COL2A1: variants seen among roughly 807,000 people sequenced by gnomAD.
COL2A1 encodes the protein collagen type II alpha 1 chain.
A neutral mutation model predicts 204.5 loss-of-function variants in COL2A1; 28 were observed. The ratio of observed to expected loss-of-function variants is 0.14; its 90% CI spans 0.10 to 0.19. COL2A1 has a LOEUF of 0.19. Among genes scored for constraint, COL2A1 ranks in the 10% least tolerant of loss-of-function variants. The pLI is 1.00. For synonymous variants in COL2A1, 708 were observed against 718.7 expected (o/e 0.99, Z 0.24); for missense variants, 1,388 against 2,027.5 (o/e 0.68, Z 6.06).
At chr12:47,992,844 C>T in intron 16 of COL2A1, 34 bp downstream of exon 16, 1 of 1,612,040 alleles carries the variant, frequency 6.2e-7, no homozygotes, top group Non-Finnish European at 8.5e-7. Flanking sequence ...AAGTGCTCGG[C>T]AAATGGTGGT....
chr12:47,978,571 T>C lies in COL2A1; in HGVS notation c.2895+26A>G. ...CTCACGACCCTGCTCCCAGGGACCT[T>C]GGCATGGGCCTGGTGAGGGACTTAC... On this transcript the variant is annotated intron_variant, in intron 42 of 53. Transcript: ENST00000380518. This position sits in a 1 kb window ranked among gnomAD's most constrained non-coding sequence, Gnocchi z 5.5. The C allele has an allele frequency of 6.2e-7, 1 of 1,613,318 alleles. No homozygotes were observed. Among genetic ancestry groups the C allele is most frequent in the Non-Finnish European group, 8.5e-7 (1 of 1,179,838 alleles).
Position 47,987,571 on chromosome 12 carries a change from GA to G in COL2A1, c.1221+39del. The G allele has an allele frequency of 6.5e-7, 1 of 1,541,290 alleles. No homozygotes were observed. The highest frequency in any genetic ancestry group is 2.3e-5 in the East Asian group (1 of 43,318). ...CAGAGTCAAGAGTTCCAAAGCCACA[GA>G]CCCCAGACCCCCCCAGGCCAAAGAG... On this transcript the variant is annotated intron_variant, in intron 19 of 53. Coordinates refer to ENST00000380518, the MANE Select transcript of COL2A1 (RefSeq NM_001844.5). This position sits in a 1 kb window ranked among gnomAD's most constrained non-coding sequence, Gnocchi z 4.1.
chr12:47,978,490 G>T lies in COL2A1; in HGVS notation c.2896-92C>A. The T allele has an allele frequency of 6.3e-7, 1 of 1,575,146 alleles. No individual in the cohort carries two copies. Among genetic ancestry groups the T allele is most frequent in the Non-Finnish European group, 8.7e-7 (1 of 1,155,098 alleles). The stretch of plus-strand genomic sequence containing the variant: ...CTCTGTCTGTGCAGCCCCGCTCCCT[G>T]GCATCCCCACGGCCCCTGCTCCCTC... On this transcript the variant is annotated intron_variant, in intron 42 of 53. Coordinates refer to ENST00000380518, the MANE Select transcript of COL2A1 (RefSeq NM_001844.5). This position sits in a 1 kb window ranked among gnomAD's most constrained non-coding sequence, Gnocchi z 5.5.
intron 18 of COL2A1, among the ~76,000 whole-genome samples, chr12:47,988,928 G>A (rs895595823): frequency 2.6e-5 from 4 of 152,230 alleles, no homozygotes; most frequent in African/African-American, 9.6e-5. Flanking sequence ...GCCACTCCTG[G>A]CCTTCTGCCC....
At chr12:47,998,376 C>A (rs1408252316) in intron 3 of COL2A1, 39 bp downstream of exon 3, 1 of 1,570,506 alleles carries the variant, frequency 6.4e-7, no homozygotes, top group Admixed American at 1.8e-5. Context: ...AATATAAAGC[C>A]AAAAAAATAT....
chr12:47,976,027 T>A lies in COL2A1; in HGVS notation c.3533A>T (p.Asn1178Ile). 3 of 1,613,958 alleles carry A rather than the reference T, an allele frequency of 1.9e-6. No homozygotes were observed. The highest frequency in any genetic ancestry group is 2.5e-6 in the Non-Finnish European group (3 of 1,179,946). ...AGGCCCAATGGGGCCAGGGATTCCA[T>A]TAGCACCATCTTTGCCAGAGGGACC... ...PVGPSGKDGA[N>I]GIPGPIGPPG... Residue 1178 changes from asparagine to isoleucine, a missense_variant, in exon 50 of 54, where the codon AAT becomes ATT. Asn to Ile is a moderately radical substitution (Grantham distance 149, BLOSUM62 -3). Transcript: ENST00000380518. This position sits in a 1 kb window ranked among gnomAD's most constrained non-coding sequence, Gnocchi z 4.3.
At position 47,987,745 on chromosome 12, in the gene COL2A1, G is replaced by C. The variant is rs757456735; in HGVS notation, c.1123-36C>G. Reference sequence around the variant, plus strand: ...ACAGGGAGGATGAAATGAAGAAGAAGAGAGGGGACACAGACCTCTAGTGGG... The same window carrying C: ...ACAGGGAGGATGAAATGAAGAAGAACAGAGGGGACACAGACCTCTAGTGGG... On this transcript the variant is annotated intron_variant, in intron 18 of 53. Coordinates refer to ENST00000380518, the MANE Select transcript of COL2A1 (RefSeq NM_001844.5). The surrounding 1 kb of genome is among the most constrained non-coding windows in gnomAD (Gnocchi z 4.1). 4 of 1,544,148 alleles carry C rather than the reference G, an allele frequency of 2.6e-6. No individual in the cohort carries two copies. The highest frequency in any genetic ancestry group is 3.6e-6 in the Non-Finnish European group (4 of 1,126,008).
rs540601708 is a variant in COL2A1 at position 47,987,232 on chromosome 12, C to T, written c.1266+37G>A. The T allele has an allele frequency of 2.6e-5, 42 of 1,613,880 alleles. No homozygotes were observed. In the African/African-American group the frequency reaches 3.7e-4, roughly 14 times the overall value. On this transcript the variant is annotated intron_variant, in intron 20 of 53. Coordinates refer to ENST00000380518, the MANE Select transcript of COL2A1 (RefSeq NM_001844.5). This position sits in a 1 kb window ranked among gnomAD's most constrained non-coding sequence, Gnocchi z 4.1. ...AGGAGAGGGGAGAGGCAGGACTGGGCTCTCCTGGGGTAGCAAAGTCCACGG... is the reference window on the plus strand; with the variant it reads ...AGGAGAGGGGAGAGGCAGGACTGGGTTCTCCTGGGGTAGCAAAGTCCACGG...
At position 47,978,093 on chromosome 12, in the gene COL2A1, G is replaced by T. The variant is rs1938822705; in HGVS notation, c.3028C>A (p.Pro1010Thr). Residue 1010 changes from proline (P) to threonine (T), a missense_variant, in exon 44 of 54, where the codon CCT becomes ACT. Pro to Thr is a conservative substitution (Grantham distance 38). Coordinates refer to ENST00000380518, the MANE Select transcript of COL2A1 (RefSeq NM_001844.5). This position sits in a 1 kb window ranked among gnomAD's most constrained non-coding sequence, Gnocchi z 5.5. ...PSGEPGKQGAPGASGDRGPPG... is the reference protein window; with the variant it reads ...PSGEPGKQGATGASGDRGPPG... The stretch of plus-strand genomic sequence containing the variant: ...GGACCTCTGTCTCCAGATGCTCCAG[G>T]AGCACCCTGCTTGCCGGGCTCACCC... 1 of 1,613,694 alleles carries T rather than the reference G, an allele frequency of 6.2e-7. No individual in the cohort carries two copies.
In COL2A1 at chr12:47,978,319, C is replaced by T. The variant is rs1342790437; in HGVS notation, c.2975G>A (p.Arg992Lys). 1.2e-6 allele frequency: 2 copies of T among 1,613,956 alleles called. No homozygotes were observed. The highest frequency in any genetic ancestry group is 1.3e-5 in the African/African-American group (1 of 74,942). Residue 992 changes from arginine (R) to lysine (K), a missense_variant, in exon 43 of 54, where the codon AGA (arginine) becomes AAA (lysine). Arg to Lys is a conservative substitution (Grantham distance 26, BLOSUM62 2). Coordinates refer to ENST00000380518, the MANE Select transcript of COL2A1 (RefSeq NM_001844.5). The surrounding 1 kb of genome is among the most constrained non-coding windows in gnomAD (Gnocchi z 5.5). ...CGGGCCAGGCAAGCCAGGGAATCCT[C>T]TCTCACCACGTTGCCCAGGCAGACC... ...IVGLPGQRGE[R>K]GFPGLPGPSG...
chr12:47,977,215 C>T (rs1190511873), intron 46 of COL2A1, 60 bp from the exon 47 acceptor site: 14 of 1,595,430 alleles, frequency 8.8e-6, no homozygotes, highest in Non-Finnish European at 1.2e-5. Flanking sequence ...GCCTCCTCTG[C>T]ATCTGAGGCC....
chr12:47,994,163 C>T (rs1471345395), intron 12 of COL2A1, 116 bp from the exon 13 acceptor site: 19 of 1,213,280 alleles, frequency 1.6e-5, no homozygotes, highest in Non-Finnish European at 2.2e-5. Context: ...TCTCGAATCC[C>T]CACACTTGGA....
chr12:47,994,066 G>A lies in COL2A1; in HGVS notation c.817-19C>T, dbSNP rs1431355990. On this transcript the variant is annotated intron_variant, in intron 12 of 53. Transcript: ENST00000380518. ...GAGCACCCTGCAATCCAAAGTGGAGGTGTTCAGAGCACAGAGTAAAATAAC... is the reference window on the plus strand; with the variant it reads ...GAGCACCCTGCAATCCAAAGTGGAGATGTTCAGAGCACAGAGTAAAATAAC... 1.9e-6 allele frequency: 3 copies of A among 1,613,934 alleles called. No homozygotes were observed. Among genetic ancestry groups the A allele is most frequent in the South Asian group, 2.2e-5 (2 of 91,076 alleles).
At chr12:47,999,167 G>A (rs12308796) in intron 2 of COL2A1, among the ~76,000 whole-genome samples, 2,253 of 152,174 alleles carry the variant, frequency 0.015, 71 homozygotes, top group African/African-American at 0.051. Flanking sequence ...CTACACAAGC[G>A]TCCCCACTCA....
chr12:47,978,202 C>G lies in COL2A1; in HGVS notation c.3004-85G>C. 2 of 1,582,314 alleles carry G rather than the reference C, an allele frequency of 1.3e-6. No homozygotes were observed. The highest frequency in any genetic ancestry group is 1.7e-6 in the Non-Finnish European group (2 of 1,157,538). On this transcript the variant is annotated intron_variant, in intron 43 of 53. Coordinates refer to ENST00000380518, the MANE Select transcript of COL2A1 (RefSeq NM_001844.5). This position sits in a 1 kb window ranked among gnomAD's most constrained non-coding sequence, Gnocchi z 5.5. ...ACTGACCCTTCAGGGAGAGGGCAGA[C>G]AAGGGACAGTCCTGAGGGTGCTGAG...
Position 47,994,124 on chromosome 12 carries a change from T to C in COL2A1, c.817-77A>G, listed in dbSNP as rs1287694563. ...AGCTGCCCTGGGCTGCAGGAGGGCC[T>C]CCAGTTCCCTTGGGCCACCAGGGCG... On this transcript the variant is annotated intron_variant, in intron 12 of 53. Transcript: ENST00000380518. 6 of 1,525,530 alleles carry C rather than the reference T, an allele frequency of 3.9e-6. No individual in the cohort carries two copies. The African/African-American group carries it at 5.5e-5, about 14-fold the overall frequency. The allele number at this position is 1,525,530 out of a possible 1,614,324, so 94.5% of individuals were successfully genotyped here.
chr12:47,973,789 A>G (rs1338383621), intron 53 of COL2A1, among the ~76,000 whole-genome samples: 1 of 151,880 alleles, frequency 6.6e-6, no homozygotes, highest in African/African-American at 2.4e-5. Flanking sequence ...CCCACTCCCC[A>G]CAGTGAGCTC....
At position 47,981,371 on chromosome 12, in the gene COL2A1, G is replaced by A. The variant is rs767149878; in HGVS notation, c.2435C>T (p.Ala812Val). 14 of 1,612,660 alleles carry A rather than the reference G, an allele frequency of 8.7e-6. No homozygotes were observed. Among genetic ancestry groups the A allele is most frequent in the Middle Eastern group, 1.7e-4 (1 of 5,964 alleles). The change falls in exon 37 of 54, where the codon GCA (alanine) becomes GTA (valine). Residue 812 changes from alanine to valine, a missense_variant. Physicochemically the swap from Ala to Val is moderately conservative, Grantham distance 64. This residue lies in a region of COL2A1 where 884 missense variants were observed against 1,415.8 expected (regional missense o/e 0.62). Coordinates refer to ENST00000380518, the MANE Select transcript of COL2A1 (RefSeq NM_001844.5). ...AGCGCCACGAGCACCAGCACTTCCT[G>A]CAGGACCAGGAGGTCCAACTTCTCC... is the stretch of plus-strand genomic sequence containing the variant. Reference protein sequence around the residue: ...EKGEVGPPGPAGSAGARGAPG... With the variant: ...EKGEVGPPGPVGSAGARGAPG...
Position 47,991,765 on chromosome 12 carries a change from G to A in COL2A1, c.1023+1113C>T, listed in dbSNP as rs373853211. Among the ~76,000 whole-genome samples, 14 of 152,292 alleles carry A rather than the reference G, an allele frequency of 9.2e-5. No individual in the cohort carries two copies. In the East Asian group the frequency reaches 2.1e-3, roughly 23 times the overall value. On this transcript the variant is annotated intron_variant, in intron 16 of 53. Transcript: ENST00000380518. ...TGCAGACTAGGGCCACCGCAGCTCTGAGCCTCGCTAAAAGGCCACAAGCCA... is the reference window on the plus strand; with the variant it reads ...TGCAGACTAGGGCCACCGCAGCTCTAAGCCTCGCTAAAAGGCCACAAGCCA...
Sources: allele counts gnomAD v4.1 joint callset (sites outside exome capture counted in the v4.1 genomes callset), GRCh38; gene constraint gnomAD v4.1.1; regional missense constraint gnomAD v4.1.1; non-coding constraint Gnocchi (gnomAD v3.1); transcripts MANE v1.5; gene names NCBI Gene and HGNC (gene_info 2026-07-23, HGNC 2026-07-21).